Variants in EYS observed in about 807,000 individuals in gnomAD.
EYS encodes the protein EGF-like photoreceptor maintenance factor.
In EYS, 250 loss-of-function variants were observed where a neutral mutation model predicts 282.1. The ratio of observed to expected loss-of-function variants is 0.89; its 90% confidence interval spans 0.80 to 0.98. The LOEUF is 0.98. EYS is among the 50% of genes least tolerant of loss of function. The probability of loss-of-function intolerance (pLI) is 0.00; values close to 1 mark genes in which losing one functional copy is unlikely to be tolerated. For synonymous variants in EYS, 1,355 were observed against 1,282.9 expected, an observed-to-expected ratio of 1.06 and a Z score of -1.20; for missense variants, 4,016 against 3,709.0, an observed-to-expected ratio of 1.08 and a Z score of -2.15.
chr6:64,919,260 T>C (rs1397617069), intron 15 of EYS, among the ~76,000 whole-genome samples: 1 of 152,010 alleles, frequency 6.6e-6, no homozygotes, highest in African/African-American at 2.4e-5. Context: ...CAACTTCTGC[T>C]GCCCGGGTTC....
At chr6:64,380,532 T>C (rs1312958422) in intron 29 of EYS, among the ~76,000 whole-genome samples, 3 of 152,178 alleles carry the variant, frequency 2.0e-5, no homozygotes, top group Admixed American at 2.0e-4. Flanking sequence ...TACAATTTCC[T>C]CATATTTATT....
intron 5 of EYS, among the ~76,000 whole-genome samples, chr6:65,426,102 G>T (rs1302612984): frequency 2.0e-5 from 3 of 152,098 alleles, no homozygotes; most frequent in Non-Finnish European, 4.4e-5. Context: ...ATCCTCAAAA[G>T]TATCTAAGAC....
At chr6:64,075,978 T>C (rs9362433) in intron 32 of EYS, among the ~76,000 whole-genome samples, 53,242 of 151,820 alleles carry the variant, frequency 0.35, 9,666 homozygotes, top group East Asian at 0.49. Context: ...AACATGGCCG[T>C]ACTCATTCAT....
chr6:64,595,251 TA>T (rs1052742772), intron 24 of EYS, among the ~76,000 whole-genome samples: 1 of 152,146 alleles, frequency 6.6e-6, no homozygotes, highest in East Asian at 1.9e-4. Context: ...CACTTCATAA[TA>T]AAAAGTCTCA....
chr6:65,694,733 T>C lies in EYS; in HGVS notation c.-448+12402A>G, dbSNP rs1429123968. Among the ~76,000 whole-genome samples the C allele has an allele frequency of 7.0e-5, 9 of 129,474 alleles. 2 individuals are homozygous for C. In the East Asian group the frequency reaches 2.3e-3, roughly 33 times the overall value. 84.9% of individuals were successfully genotyped at this position (129,474 alleles called of 152,430 possible). On this transcript the variant is annotated intron_variant, in intron 1 of 42. Coordinates refer to ENST00000503581, the MANE Select transcript of EYS (RefSeq NM_001142800.2). ...AGCAACGAGGTAAACCATTGGCTTG[T>C]TGTAGATTTAAAAAAAAAAAAAAAA...
In EYS at chr6:64,135,362, A is replaced by C. The variant is rs140551421; in HGVS notation, c.6425-53360T>G. Among the ~76,000 whole-genome samples, 280 of 152,278 alleles carry C rather than the reference A, an allele frequency of 1.8e-3. 2 individuals carry two copies. Among genetic ancestry groups the C allele is most frequent in the African/African-American group, 6.5e-3 (270 of 41,578 alleles). ...TATGCTGTAGTGTTTAGGTATTACA[A>C]GACAATTGCACATATGATCAAAATT... On this transcript the variant is annotated intron_variant, in intron 31 of 42. Coordinates refer to ENST00000503581, the MANE Select transcript of EYS (RefSeq NM_001142800.2).
intron 6 of EYS, among the ~76,000 whole-genome samples, chr6:65,402,881 AATG>A (rs1562154902): frequency 6.6e-6 from 1 of 152,070 alleles, no homozygotes; most frequent in Non-Finnish European, 1.5e-5. Flanking sequence ...TCATGGAGAC[AATG>A]ATGCTTTAAA....
intron 35 of EYS, among the ~76,000 whole-genome samples, chr6:63,895,096 A>G (rs1290338513): frequency 1.3e-5 from 2 of 151,778 alleles, no homozygotes; most frequent in East Asian, 1.9e-4. Flanking sequence ...GTCACCCCCC[A>G]TGGCCTCACC....
chr6:64,569,169 G>A (rs973878336), intron 26 of EYS, among the ~76,000 whole-genome samples: 2 of 151,696 alleles, frequency 1.3e-5, no homozygotes, highest in Admixed American at 6.6e-5. Context: ...AGTAGCCTTC[G>A]GAAGGTGGGT....
intron 21 of EYS, 74 bp downstream of exon 21, chr6:64,821,571 C>CTA: frequency 1.3e-6 from 1 of 755,000 alleles, no homozygotes; most frequent in South Asian, 1.8e-5. Context: ...ACTCTGAAAC[C>CTA]TACAGCAAGC....
At chr6:64,498,923 C>CAT (rs1562026985) in intron 26 of EYS, among the ~76,000 whole-genome samples, 1 of 151,934 alleles carries the variant, frequency 6.6e-6, no homozygotes, top group Non-Finnish European at 1.5e-5. Flanking sequence ...GCAATAAACA[C>CAT]GTGTGCATGT....
intron 8 of EYS, among the ~76,000 whole-genome samples, chr6:65,353,909 T>A (rs926369956): frequency 2.0e-5 from 3 of 152,000 alleles, no homozygotes; most frequent in Non-Finnish European, 2.9e-5. Context: ...ATCTTTCCCC[T>A]CACAAATTTA....
intron 12 of EYS, among the ~76,000 whole-genome samples, chr6:65,139,821 G>T (rs952044884): frequency 6.6e-6 from 1 of 152,070 alleles, no homozygotes; most frequent in Non-Finnish European, 1.5e-5. Context: ...ACTTAAAACA[G>T]AAGTGACGAG....
At chr6:65,035,187 A>C (rs1323594120) in intron 13 of EYS, among the ~76,000 whole-genome samples, 1 of 152,092 alleles carries the variant, frequency 6.6e-6, no homozygotes, top group Admixed American at 6.6e-5. Flanking sequence ...AACCCTCAAC[A>C]CACTAGGCAA....
chr6:65,611,184 A>C (rs1179440577), intron 2 of EYS, among the ~76,000 whole-genome samples: 1 of 151,596 alleles, frequency 6.6e-6, no homozygotes, highest in Non-Finnish European at 1.5e-5. Flanking sequence ...TATTGAAAAA[A>C]AAAAAGCTTC....
At chr6:64,262,318 A>G (rs1384837610) in intron 30 of EYS, among the ~76,000 whole-genome samples, 1 of 151,400 alleles carries the variant, frequency 6.6e-6, no homozygotes, top group Non-Finnish European at 1.5e-5. Context: ...AATATTATTC[A>G]ATATTTTTAT....
chr6:63,760,641 T>C (rs1769608390), intron 41 of EYS, among the ~76,000 whole-genome samples: 2 of 140,576 alleles, frequency 1.4e-5, no homozygotes, highest in South Asian at 4.6e-4. Flanking sequence ...TATGTATGTA[T>C]GTATGTATAT....
At chr6:64,989,401 A>G (rs1770973655) in intron 14 of EYS, among the ~76,000 whole-genome samples, 1 of 123,496 alleles carries the variant, frequency 8.1e-6, no homozygotes, top group African/African-American at 3.4e-5. Flanking sequence ...TGTAATATAT[A>G]TATATATATA....
In EYS at chr6:65,361,491, T is replaced by C. The variant is rs537710787; in HGVS notation, c.1300-7874A>G. 3.3e-3 allele frequency among the ~76,000 whole-genome samples: 496 copies of C among 149,408 alleles called. 7 individuals are homozygous for C. Among genetic ancestry groups the C allele is most frequent in the African/African-American group, 0.011 (449 of 39,542 alleles). On this transcript the variant is annotated intron_variant, in intron 8 of 42. Coordinates refer to ENST00000503581, the MANE Select transcript of EYS (RefSeq NM_001142800.2). ...TTCCTTCTTTCGTTCGTTCGTTCCT[T>C]TTTTTTTTGGTCTGTGTCTCTCTCT... is the stretch of plus-strand genomic sequence containing the variant.
Sources: gnomAD v4.1 joint callset for allele counts (sites outside exome capture counted in the v4.1 genomes callset) on GRCh38, gnomAD v4.1.1 for gene constraint, MANE v1.5 for transcripts, NCBI Gene and HGNC (gene_info 2026-07-23, HGNC 2026-07-21) for gene names.